RRAGC: variants seen among roughly 807,000 people sequenced by gnomAD.
RRAGC encodes Ras related GTP binding C, also known as ras-related GTP-binding protein C.
In RRAGC, 8 loss-of-function variants were observed where a neutral mutation model predicts 37.1. The observed-to-expected ratio is 0.22, with a 90% confidence interval of 0.13 to 0.39. RRAGC has a LOEUF of 0.39. RRAGC is among the 10% of genes least tolerant of loss of function. The pLI is 1.00. For synonymous variants in RRAGC, 190 were observed against 181.1 expected (o/e 1.05, Z -0.39); for missense variants, 342 against 497.6 (o/e 0.69, Z 2.98).
chr1:38,848,901 A>C (rs1642058349), intron 5 of RRAGC, among the ~76,000 whole-genome samples: 1 of 152,016 alleles, frequency 6.6e-6, no homozygotes. Context: ...GGAAACCAAG[A>C]CAGGAGAATC....
In RRAGC at chr1:38,838,666, G is replaced by T. The variant is rs1011987147; in HGVS notation, c.*887C>A. On this transcript the variant is annotated 3_prime_UTR_variant, in exon 7 of 7. Transcript: ENST00000373001. The stretch of plus-strand genomic sequence containing the variant: ...GTCCCCCAATGCCTTAGGGTCACTC[G>T]TGGTCAACCAAATGCAATCAAGAAG... 1.3e-5 allele frequency: 2 copies of T among 152,190 alleles called. No individual in the cohort carries two copies. Among genetic ancestry groups the T allele is most frequent in the Non-Finnish European group, 2.9e-5 (2 of 68,048 alleles). 9.4% of individuals were successfully genotyped at this position (152,190 alleles called of 1,614,324 possible).
rs555782486 is a variant in RRAGC at position 38,839,794 on chromosome 1, A to G, written c.1049-90T>C. The G allele has an allele frequency of 2.3e-6, 3 of 1,301,160 alleles. No individual in the cohort carries two copies. The Admixed American group carries it at 5.9e-5, about 26-fold the overall frequency. 80.6% of individuals were successfully genotyped at this position (1,301,160 alleles called of 1,614,324 possible). A position where few individuals can be genotyped will look rare whatever the true frequency, so the allele number is the denominator to read the frequency against. On this transcript the variant is annotated intron_variant, in intron 6 of 6. Coordinates refer to ENST00000373001, the MANE Select transcript of RRAGC (RefSeq NM_022157.4). ...TTGCAGCCAAAAATAACTCGGATAA[A>G]CACTGGTTGGAAATTCTTAAGCCTC...
At chr1:38,851,168 C>A (rs188583329) in intron 5 of RRAGC, among the ~76,000 whole-genome samples, 1 of 152,316 alleles carries the variant, frequency 6.6e-6, no homozygotes, top group Non-Finnish European at 1.5e-5. Flanking sequence ...GTTCTTCCAA[C>A]ATCCAAAATT....
intron 2 of RRAGC, among the ~76,000 whole-genome samples, 162 bp from the exon 3 acceptor site, chr1:38,856,069 A>T (rs1222551095): frequency 6.6e-6 from 1 of 152,194 alleles, no homozygotes; most frequent in Non-Finnish European, 1.5e-5. Flanking sequence ...TAACTCTTCA[A>T]TTGTCTCAAG....
At chr1:38,841,363 CA>C (rs991062947) in intron 6 of RRAGC, among the ~76,000 whole-genome samples, 37 of 141,446 alleles carry the variant, frequency 2.6e-4, no homozygotes, top group Non-Finnish European at 3.0e-4. Context: ...TTTCCATAAA[CA>C]AAAATTTTTT....
In RRAGC at chr1:38,852,458, T is replaced by C; in HGVS notation, c.672A>G (p.Ser224=). 6.2e-7 allele frequency: 1 copy of C among 1,604,152 alleles called. No homozygotes were observed. Among genetic ancestry groups the C allele is most frequent in the Non-Finnish European group, 8.5e-7 (1 of 1,171,552 alleles). ...SFYLTSIYDH[S]IFEAFSKVVQ... The stretch of plus-strand genomic sequence containing the variant: ...CCACCTTACTAAAGGCTTCAAATAT[T>C]GAATGGTCATAGATACTAGTCAGAT... Residue 224 remains serine (S), a synonymous_variant, in exon 4 of 7, where the codon TCA becomes TCG. Coordinates refer to ENST00000373001, the MANE Select transcript of RRAGC (RefSeq NM_022157.4).
At chr1:38,846,690 G>A (rs1316792734) in intron 5 of RRAGC, 1 of 152,142 alleles carries the variant, frequency 6.6e-6, no homozygotes, top group East Asian at 1.9e-4. Flanking sequence ...CTTTTCTGAT[G>A]TACTTGCCTA....
chr1:38,849,028 GC>G (rs1268336192), intron 5 of RRAGC, among the ~76,000 whole-genome samples: 1 of 151,700 alleles, frequency 6.6e-6, no homozygotes, highest in Non-Finnish European at 1.5e-5. Flanking sequence ...CATCACTTGA[GC>G]CTGGGAGGCA....
intron 1 of RRAGC, among the ~76,000 whole-genome samples, chr1:38,858,961 T>C (rs1642200423): frequency 1.3e-5 from 2 of 152,230 alleles, no homozygotes; most frequent in African/African-American, 4.8e-5. Flanking sequence ...GCCCAGTGTC[T>C]TAGTCACAAC....
chr1:38,844,952 G>A (rs1302708601), intron 6 of RRAGC, among the ~76,000 whole-genome samples: 4 of 152,168 alleles, frequency 2.6e-5, no homozygotes, highest in South Asian at 2.1e-4. Flanking sequence ...TTAGGATGGC[G>A]ATTATTAAAA....
intron 6 of RRAGC, among the ~76,000 whole-genome samples, chr1:38,843,368 G>A (rs191463274): frequency 6.6e-6 from 1 of 152,078 alleles, no homozygotes; most frequent in Non-Finnish European, 1.5e-5. Flanking sequence ...TTCTTAAGCT[G>A]AAAGGTGAAG....
chr1:38,849,068 C>T (rs1482497695), intron 5 of RRAGC, among the ~76,000 whole-genome samples: 1 of 150,702 alleles, frequency 6.6e-6, no homozygotes, highest in Admixed American at 6.6e-5. Context: ...CATTGTACCA[C>T]TACACTTCAG....
At chr1:38,847,419 A>T (rs1642039996) in intron 5 of RRAGC, 1 of 147,316 alleles carries the variant, frequency 6.8e-6, no homozygotes, top group Non-Finnish European at 1.5e-5. Flanking sequence ...AGACCAGCCT[A>T]GGCAACACAA....
intron 5 of RRAGC, among the ~76,000 whole-genome samples, chr1:38,849,544 C>T (rs750992316): frequency 2.6e-5 from 4 of 151,486 alleles, no homozygotes; most frequent in Non-Finnish European, 4.4e-5. Flanking sequence ...CAAAATCAGC[C>T]AGGCGTGGTG....
chr1:38,847,429 A>C (rs1217381514), intron 5 of RRAGC: 35 of 132,438 alleles, frequency 2.6e-4, no homozygotes, highest in African/African-American at 1.1e-3. Context: ...AGGCAACACA[A>C]GAACACACAC....
At chr1:38,844,068 C>T (rs147794887) in intron 6 of RRAGC, among the ~76,000 whole-genome samples, 52 of 152,170 alleles carry the variant, frequency 3.4e-4, no homozygotes, top group Non-Finnish European at 5.9e-4. Context: ...AAGGAGATCA[C>T]GAAATCTCCT....
rs1642102515 is a variant in RRAGC at position 38,851,668 on chromosome 1, A to G, written c.846T>C (p.Tyr282=). 4.4e-6 allele frequency: 7 copies of G among 1,591,360 alleles called. No homozygotes were observed. The highest frequency in any genetic ancestry group is 1.4e-5 in the African/African-American group (1 of 73,294). The part of the protein sequence containing the change: ...TDSSPVDMQS[Y]ELCCDMIDVV... ...CATCGATCATGTCACAGCAAAGTTC[A>G]TAAGATTGCATATCCACAGGGGAAC... Residue 282 remains tyrosine, a synonymous_variant, in exon 5 of 7, where the codon TAT becomes TAC. Transcript: ENST00000373001.
Position 38,859,702 on chromosome 1 carries a change from C to G in RRAGC, c.-56G>C, listed in dbSNP as rs1295433929. On this transcript the variant is annotated 5_prime_UTR_variant, in exon 1 of 7. Transcript: ENST00000373001. The stretch of plus-strand genomic sequence containing the variant: ...ACAGGCCAGGCCAGGCCGAGCCAGG[C>G]CGCCGCCTCCCCAGTCCGCCTCCGC... 3 of 1,347,694 alleles carry G rather than the reference C, an allele frequency of 2.2e-6. No individual in the cohort carries two copies. In the African/African-American group the frequency reaches 4.6e-5, roughly 21 times the overall value. The allele number at this position is 1,347,694 out of a possible 1,614,324, so 83.5% of individuals were successfully genotyped here. A position where few individuals can be genotyped will look rare whatever the true frequency, so the allele number is the denominator to read the frequency against.
At chr1:38,844,077 C>A (rs763625943) in intron 6 of RRAGC, among the ~76,000 whole-genome samples, 1 of 152,018 alleles carries the variant, frequency 6.6e-6, no homozygotes, top group Admixed American at 6.6e-5. Flanking sequence ...ACGAAATCTC[C>A]TCTGTGAACC....
Sources: gnomAD v4.1 joint callset for allele counts (sites outside exome capture counted in the v4.1 genomes callset) on GRCh38, gnomAD v4.1.1 for gene constraint, MANE v1.5 for transcripts, NCBI Gene and HGNC (gene_info 2026-07-23, HGNC 2026-07-21) for gene names.